Variants in STPG2 observed in about 807,000 individuals in gnomAD.
The protein encoded by STPG2 is sperm tail PG-rich repeat containing 2.
STPG2 carries 56 observed loss-of-function variants against 54.2 expected under a neutral mutation model. The observed-to-expected ratio is 1.03, with a 90% CI of 0.83 to 1.29. The LOEUF (loss-of-function observed/expected upper bound fraction) is 1.29, where lower values mean the gene tolerates loss of function less well. STPG2 is among the 50% of genes most tolerant of loss of function. The pLI, the probability that STPG2 is intolerant of heterozygous loss-of-function variation, is 0.00. For missense variants in STPG2, 596 were observed against 544.9 expected, an observed-to-expected ratio of 1.09 and a Z score of -0.93; for synonymous variants, 200 against 181.8, an observed-to-expected ratio of 1.10 and a Z score of -0.81.
At chr4:97,803,215 G>C (rs1727450239) in intron 9 of STPG2, among the ~76,000 whole-genome samples, 1 of 152,132 alleles carries the variant, frequency 6.6e-6, no homozygotes, top group Non-Finnish European at 1.5e-5. Flanking sequence ...AGGGGGAAGA[G>C]GGGTTCTTTC....
intron 9 of STPG2, among the ~76,000 whole-genome samples, chr4:97,783,587 A>T (rs944581702): frequency 6.6e-6 from 1 of 152,224 alleles, no homozygotes; most frequent in Non-Finnish European, 1.5e-5. Context: ...ATATACCCAA[A>T]GGATTATAAA....
chr4:97,899,271 T>A (rs1271397828), intron 8 of STPG2, among the ~76,000 whole-genome samples: 1 of 151,348 alleles, frequency 6.6e-6, no homozygotes, highest in Non-Finnish European at 1.5e-5. Context: ...ACCAGAGAGG[T>A]GAAATATCTC....
intron 10 of STPG2, among the ~76,000 whole-genome samples, chr4:97,698,562 C>T (rs1199679872): frequency 1.3e-5 from 2 of 152,092 alleles, no homozygotes; most frequent in East Asian, 1.9e-4. Context: ...AATGTAATGT[C>T]GTGAGAACAG....
chr4:97,444,859 C>T lies in STPG2; in HGVS notation c.463-257026G>A, dbSNP rs546804930. Among the ~76,000 whole-genome samples the T allele has an allele frequency of 2.6e-5, 4 of 152,236 alleles. No individual in the cohort carries two copies. The East Asian group carries it at 5.8e-4, about 22-fold the overall frequency. On this transcript the variant is annotated intron_variant, in intron 4 of 4. Coordinates refer to the STPG2 transcript ENST00000522676. Reference sequence around the variant, plus strand: ...CCTGGCTAACATCGTGAAACCCCGTCTCTACTAAAAATACAAAAATTAGCA... The same window carrying T: ...CCTGGCTAACATCGTGAAACCCCGTTTCTACTAAAAATACAAAAATTAGCA...
At chr4:98,056,205 T>C (rs6831588) in intron 5 of STPG2, among the ~76,000 whole-genome samples, 18 of 151,856 alleles carry the variant, frequency 1.2e-4, no homozygotes, top group African/African-American at 4.3e-4. Context: ...GTGCTAACAC[T>C]GCACAGAGAA....
At chr4:97,876,604 T>A (rs1265059899) in intron 8 of STPG2, among the ~76,000 whole-genome samples, 1 of 152,088 alleles carries the variant, frequency 6.6e-6, no homozygotes, top group Admixed American at 6.6e-5. Context: ...TCTTTGAATA[T>A]CTTTTCCATA....
chr4:98,098,644 A>T (rs1036238929), intron 5 of STPG2, among the ~76,000 whole-genome samples: 1 of 152,122 alleles, frequency 6.6e-6, no homozygotes. Context: ...AGTTAAAAAG[A>T]TTTCTGCACA....
intron 8 of STPG2, among the ~76,000 whole-genome samples, chr4:97,902,680 C>T (rs1335785359): frequency 6.6e-6 from 1 of 152,062 alleles, no homozygotes; most frequent in Non-Finnish European, 1.5e-5. Flanking sequence ...AAAGAAAGCT[C>T]TTACATATTT....
chr4:97,966,658 G>A (rs1734109766), intron 7 of STPG2, among the ~76,000 whole-genome samples: 1 of 152,188 alleles, frequency 6.6e-6, no homozygotes, highest in South Asian at 2.1e-4. Context: ...AAGCCCATCA[G>A]ACTAACAGCG....
At chr4:97,630,740 C>A (rs966038886) in intron 10 of STPG2, among the ~76,000 whole-genome samples, 4 of 151,426 alleles carry the variant, frequency 2.6e-5, no homozygotes, top group Non-Finnish European at 5.9e-5. Flanking sequence ...AGACAGAGTG[C>A]TCTATTAAAG....
chr4:97,836,302 C>G (rs567919479), intron 9 of STPG2, among the ~76,000 whole-genome samples: 1 of 151,912 alleles, frequency 6.6e-6, no homozygotes, highest in Non-Finnish European at 1.5e-5. Context: ...TCAGCAGCCA[C>G]CAACATCAAA....
At chr4:97,632,216 A>G (rs1422438508) in intron 10 of STPG2, among the ~76,000 whole-genome samples, 2 of 151,766 alleles carry the variant, frequency 1.3e-5, no homozygotes, top group African/African-American at 4.8e-5. Context: ...CTTAAAATAT[A>G]CAAGTAATAA....
intron 7 of STPG2, among the ~76,000 whole-genome samples, chr4:97,947,220 A>T (rs1733264996): frequency 6.6e-6 from 1 of 152,116 alleles, no homozygotes; most frequent in African/African-American, 2.4e-5. Flanking sequence ...TGATTTGCGT[A>T]CATTGATTTT....
At chr4:98,031,505 C>T (rs936325961) in intron 5 of STPG2, among the ~76,000 whole-genome samples, 1 of 151,908 alleles carries the variant, frequency 6.6e-6, no homozygotes, top group African/African-American at 2.4e-5. Flanking sequence ...GGTGAAACCC[C>T]ATCTCTACTA....
At chr4:97,892,136 G>A (rs1361614946) in intron 8 of STPG2, among the ~76,000 whole-genome samples, 1 of 152,114 alleles carries the variant, frequency 6.6e-6, no homozygotes, top group Non-Finnish European at 1.5e-5. Context: ...AAAATATAGA[G>A]ATATAATCAT....
chr4:97,821,723 A>G (rs889776463), intron 9 of STPG2, among the ~76,000 whole-genome samples: 1 of 152,224 alleles, frequency 6.6e-6, no homozygotes, highest in Non-Finnish European at 1.5e-5. Flanking sequence ...ATCACGTGGA[A>G]GCTTCCAGAC....
chr4:98,081,088 G>A (rs1461105205), intron 5 of STPG2, among the ~76,000 whole-genome samples: 9 of 152,178 alleles, frequency 5.9e-5, no homozygotes, highest in Admixed American at 5.2e-4. Flanking sequence ...AAAAATTAAT[G>A]ATTGCAAAAC....
At chr4:97,481,457 G>C (rs892644799) in intron 4 of STPG2, among the ~76,000 whole-genome samples, 1 of 151,552 alleles carries the variant, frequency 6.6e-6, no homozygotes, top group Non-Finnish European at 1.5e-5. Context: ...AATTTGGAGA[G>C]AATTCACATT....
chr4:97,504,486 T>C (rs1475110737), intron 4 of STPG2, among the ~76,000 whole-genome samples: 2 of 151,876 alleles, frequency 1.3e-5, no homozygotes, highest in Non-Finnish European at 2.9e-5. Flanking sequence ...ATTTAAATAG[T>C]ACCTATGGGA....
Sources: allele counts gnomAD v4.1 joint callset (sites outside exome capture counted in the v4.1 genomes callset), GRCh38; gene constraint gnomAD v4.1.1; transcripts MANE v1.5; gene names NCBI Gene and HGNC (gene_info 2026-07-23, HGNC 2026-07-21).